The following ZNF335 variants were observed in gnomAD, a reference collection of about 807,000 sequenced individuals.
ZNF335 encodes the protein NRC-interacting factor 1.
In ZNF335, 84 loss-of-function variants were observed where a neutral mutation model predicts 145.6. The observed-to-expected ratio is 0.58, with a 90% CI of 0.48 to 0.69. ZNF335 has a LOEUF of 0.69. ZNF335 is among the 30% of genes least tolerant of loss of function. The pLI is 0.00. For synonymous variants in ZNF335, 761 were observed against 717.0 expected, an observed-to-expected ratio of 1.06 and a Z score of -0.98; for missense variants, 1,865 against 1,809.7, an observed-to-expected ratio of 1.03 and a Z score of -0.55.
rs772818462 is a variant in ZNF335 at position 45,963,480 on chromosome 20, G to A, written c.1526C>T (p.Ser509Leu). 56 of 1,611,390 alleles carry A rather than the reference G, an allele frequency of 3.5e-5. No individual in the cohort carries two copies. Among genetic ancestry groups the A allele is most frequent in the Admixed American group, 1.8e-4 (11 of 59,958 alleles). The change falls in exon 9 of 28, where the codon TCG (serine) becomes TTG (leucine). Residue 509 changes from serine (S) to leucine (L), a missense_variant. Ser to Leu is a moderately radical substitution (Grantham distance 145). Transcript: ENST00000322927. ...QCSYRSRRWS[S>L]LKEHMFNHVG... is the part of the protein sequence containing the mutation. Reference sequence around the variant, plus strand: ...CCTCTTTGGCTCCCGCACCTTGAGCGAGGACCAGCGGCGGGAACGATAGCT... The same window carrying A: ...CCTCTTTGGCTCCCGCACCTTGAGCAAGGACCAGCGGCGGGAACGATAGCT...
chr20:45,949,231 G>A lies in ZNF335; in HGVS notation c.3840C>T (p.Ser1280=), dbSNP rs765257687. Residue 1280 remains serine, a synonymous_variant, in exon 27 of 28, where the codon TCC becomes TCT. Transcript: ENST00000322927. The stretch of plus-strand genomic sequence containing the variant: ...CCTGTGTGACAAGCTGCTGGCCTGG[G>A]GACACAGGCACATACTGGATCTGGA... ...QESQIQYVPV[S]PGQQLVTQAQ... 9 of 1,613,868 alleles carry A rather than the reference G, an allele frequency of 5.6e-6. No homozygotes were observed. Among genetic ancestry groups the A allele is most frequent in the Non-Finnish European group, 7.6e-6 (9 of 1,180,004 alleles).
chr20:45,949,211 G>T lies in ZNF335; in HGVS notation c.3860C>A (p.Thr1287Lys). ...TGCTGCAGCCTCAAGTTGAGCCTGT[G>T]TGACAAGCTGCTGGCCTGGGGACAC... ...VPVSPGQQLV[T>K]QAQLEAAAHS... Residue 1287 changes from threonine to lysine, a missense_variant, in exon 27 of 28, where the codon ACA becomes AAA. Coordinates refer to ENST00000322927, the MANE Select transcript of ZNF335 (RefSeq NM_022095.4). 6.2e-7 allele frequency: 1 copy of T among 1,613,914 alleles called. No individual in the cohort carries two copies. The highest frequency in any genetic ancestry group is 1.3e-5 in the African/African-American group (1 of 75,040).
chr20:45,949,103 G>C (rs917411759), intron 27 of ZNF335, 23 bp from the exon 28 acceptor site: 8 of 1,613,626 alleles, frequency 5.0e-6, no homozygotes, highest in Middle Eastern at 3.3e-4. Flanking sequence ...GGGAAAGTAT[G>C]GTGAGCTGGA....
In ZNF335 at chr20:45,952,726, G is replaced by C; in HGVS notation, c.2703-17C>G. The C allele has an allele frequency of 1.2e-6, 2 of 1,611,484 alleles. No homozygotes were observed. The highest frequency in any genetic ancestry group is 1.7e-6 in the Non-Finnish European group (2 of 1,178,430). ...GGCTCCTCGCTGTGGGCATGGAGAA[G>C]GTTCTAGGAGAAGATGGAGGGCCAC... is the stretch of plus-strand genomic sequence containing the variant. On this transcript the variant is annotated splice_polypyrimidine_tract_variant and intron_variant, in intron 18 of 27. Coordinates refer to ENST00000322927, the MANE Select transcript of ZNF335 (RefSeq NM_022095.4).
chr20:45,963,489 C>G lies in ZNF335; in HGVS notation c.1517G>C (p.Arg506Pro). 1 of 1,611,204 alleles carries G rather than the reference C, an allele frequency of 6.2e-7. No homozygotes were observed. The highest frequency in any genetic ancestry group is 1.3e-5 in the African/African-American group (1 of 75,032). ...CTCCCGCACCTTGAGCGAGGACCAG[C>G]GGCGGGAACGATAGCTGCACTGCAG... is the stretch of plus-strand genomic sequence containing the variant. ...KCLQCSYRSRRWSSLKEHMFN... is the reference protein window; with the variant it reads ...KCLQCSYRSRPWSSLKEHMFN... The change falls in exon 9 of 28, where the codon CGC (arginine) becomes CCC (proline). Residue 506 changes from arginine (R) to proline (P), a missense_variant. Arg to Pro is a moderately radical substitution (Grantham distance 103). Coordinates refer to ENST00000322927, the MANE Select transcript of ZNF335 (RefSeq NM_022095.4).
chr20:45,949,242 C>T lies in ZNF335; in HGVS notation c.3829G>A (p.Val1277Met). 1 of 1,613,864 alleles carries T rather than the reference C, an allele frequency of 6.2e-7. No homozygotes were observed. The highest frequency in any genetic ancestry group is 8.5e-7 in the Non-Finnish European group (1 of 1,180,002). Residue 1277 changes from valine (V) to methionine (M), a missense_variant, in exon 27 of 28, where the codon GTG (valine) becomes ATG (methionine). By Grantham distance (21) the Val-to-Met change is conservative. Coordinates refer to ENST00000322927, the MANE Select transcript of ZNF335 (RefSeq NM_022095.4). ...AGCTGCTGGCCTGGGGACACAGGCA[C>T]ATACTGGATCTGGAGGGGAGAAGCT... ...PFLQESQIQY[V>M]PVSPGQQLVT...
intron 22 of ZNF335, 22 bp from the exon 23 acceptor site, chr20:45,950,091 C>T (rs2083601979): frequency 6.2e-7 from 1 of 1,612,132 alleles, no homozygotes; most frequent in African/African-American, 1.3e-5. Flanking sequence ...GGAGAGGATG[C>T]TCACCTGGGG....
chr20:45,967,648 G>T lies in ZNF335; in HGVS notation c.815-14C>A, dbSNP rs769014345. 9 of 1,613,484 alleles carry T rather than the reference G, an allele frequency of 5.6e-6. No homozygotes were observed. Among genetic ancestry groups the T allele is most frequent in the Non-Finnish European group, 7.6e-6 (9 of 1,179,868 alleles). ...CGGCTGCTGCTACTGGAAGTGGAGG[G>T]AGGGTAAGACAAGCTTGCCATGTCT... On this transcript the variant is annotated splice_polypyrimidine_tract_variant and intron_variant, in intron 5 of 27. Coordinates refer to ENST00000322927, the MANE Select transcript of ZNF335 (RefSeq NM_022095.4).
chr20:45,949,135 C>T (rs777173746), intron 27 of ZNF335, 35 bp downstream of exon 27: 3 of 1,613,442 alleles, frequency 1.9e-6, no homozygotes, highest in East Asian at 2.2e-5. Flanking sequence ...TGGGTCCATA[C>T]CCAGCCCCAT....
rs1176140664 is a variant in ZNF335 at position 45,953,881 on chromosome 20, T to C, written c.2510A>G (p.Glu837Gly). 2 of 1,613,630 alleles carry C rather than the reference T, an allele frequency of 1.2e-6. No homozygotes were observed. The highest frequency in any genetic ancestry group is 2.2e-5 in the South Asian group (2 of 91,022). Residue 837 changes from glutamate (E) to glycine (G), a missense_variant, in exon 18 of 28, where the codon GAA (glutamate) becomes GGA (glycine). Physicochemically the swap from Glu to Gly is moderately conservative, Grantham distance 98. Coordinates refer to ENST00000322927, the MANE Select transcript of ZNF335 (RefSeq NM_022095.4). ...LASPGGQPSP[E>G]GATPQVVTLH... ...GGTGACCACCTGTGGAGTGGCACCT[T>C]CAGGGGAGGGCTGCCCACCAGGGGA...
intron 17 of ZNF335, among the ~76,000 whole-genome samples, chr20:45,956,308 A>G (rs2083727940): frequency 6.6e-6 from 1 of 151,488 alleles, no homozygotes; most frequent in Non-Finnish European, 1.5e-5. Flanking sequence ...GGCTCACCGT[A>G]ACCTCCGCCT....
chr20:45,954,609 A>G (rs2083692566), intron 17 of ZNF335, among the ~76,000 whole-genome samples: 1 of 152,116 alleles, frequency 6.6e-6, no homozygotes, highest in Non-Finnish European at 1.5e-5. Flanking sequence ...CACAACTCAT[A>G]AAAAGTGGAC....
At chr20:45,949,590 A>G in intron 24 of ZNF335, 22 bp from the exon 25 acceptor site, 1 of 1,597,980 alleles carries the variant, frequency 6.3e-7, no homozygotes, top group Non-Finnish European at 8.5e-7. Context: ...GGGGGCGGGC[A>G]TGGCGAGGCA....
intron 2 of ZNF335, 57 bp downstream of exon 2, chr20:45,971,153 C>A: frequency 6.8e-7 from 1 of 1,460,972 alleles, no homozygotes; most frequent in South Asian, 1.4e-5. Flanking sequence ...TCTTGGCTGT[C>A]AGGCACTGCT....
intron 15 of ZNF335, among the ~76,000 whole-genome samples, chr20:45,958,851 C>T (rs527957685): frequency 6.6e-6 from 1 of 152,266 alleles, no homozygotes; most frequent in South Asian, 2.1e-4. Context: ...GAGGCAACTA[C>T]AAAGATGAAA....
rs1555852178 is a variant in ZNF335 at position 45,971,258 on chromosome 20, G to GGCCTCT, written c.147_152dup (p.Glu50_Ala51dup). ...AGCTTTGCCCCACGCCAGAGTCATCGGCCTCTGCCTGCCCCGGGGCGGCCG... is the reference window on the plus strand; with the variant it reads ...AGCTTTGCCCCACGCCAGAGTCATCGGCCTCTGCCTCTGCCTGCCCCGGGGCGGCCG... On this transcript the variant is annotated inframe_insertion, in exon 2 of 28. Coordinates refer to ENST00000322927, the MANE Select transcript of ZNF335 (RefSeq NM_022095.4). 8.3e-6 allele frequency: 13 copies of GGCCTCT among 1,562,062 alleles called. No homozygotes were observed. The highest frequency in any genetic ancestry group is 3.3e-4 in the Middle Eastern group (2 of 5,984).
Position 45,963,808 on chromosome 20 carries a change from C to T in ZNF335, c.1285G>A (p.Asp429Asn). 3 of 1,614,158 alleles carry T rather than the reference C, an allele frequency of 1.9e-6. No individual in the cohort carries two copies. Among genetic ancestry groups the T allele is most frequent in the South Asian group, 1.1e-5 (1 of 91,082 alleles). Residue 429 changes from aspartate (D) to asparagine (N), a missense_variant, in exon 8 of 28, where the codon GAT becomes AAT. By Grantham distance (23) the Asp-to-Asn change is conservative (BLOSUM62 1). Coordinates refer to ENST00000322927, the MANE Select transcript of ZNF335 (RefSeq NM_022095.4). Reference protein sequence around the residue: ...DAENAAPSCPDEHDTLPRRRG... With the variant: ...DAENAAPSCPNEHDTLPRRRG... ...CGCCGGGGCAGAGTGTCATGCTCAT[C>T]CGGGCAGGAGGGGGCTGCGTTCTCT...
chr20:45,960,236 C>G lies in ZNF335; in HGVS notation c.1992G>C (p.Leu664Phe), dbSNP rs746005170. 6.2e-7 allele frequency: 1 copy of G among 1,614,138 alleles called. No individual in the cohort carries two copies. The highest frequency in any genetic ancestry group is 2.2e-5 in the East Asian group (1 of 44,880). Residue 664 changes from leucine (L) to phenylalanine (F), a missense_variant, in exon 14 of 28, where the codon TTG becomes TTC. Leu to Phe is a conservative substitution (Grantham distance 22). Coordinates refer to ENST00000322927, the MANE Select transcript of ZNF335 (RefSeq NM_022095.4). ...TGTGCTTGACAGCCACATGGGACAG[C>G]AAGAAGTCCTCTCGGAAGGTGCGGT... ...CPYRTFREDF[L>F]LSHVAVKHTG...
At chr20:45,956,693 G>A (rs980881477) in intron 17 of ZNF335, among the ~76,000 whole-genome samples, 3 of 151,714 alleles carry the variant, frequency 2.0e-5, no homozygotes, top group South Asian at 4.2e-4. Flanking sequence ...CAAACCACAG[G>A]TGAAGATACC....
Sources: gnomAD v4.1 joint callset for allele counts (sites outside exome capture counted in the v4.1 genomes callset) on GRCh38, gnomAD v4.1.1 for gene constraint, MANE v1.5 for transcripts, NCBI Gene and HGNC (gene_info 2026-07-23, HGNC 2026-07-21) for gene names.